The following TET3 variants were observed in gnomAD, a reference collection of about 807,000 sequenced individuals.
TET3 encodes the protein methylcytosine dioxygenase TET3.
Under a neutral mutation model 141.4 loss-of-function variants are expected in TET3, and 19 were observed. The observed-to-expected ratio is 0.13, with a 90% CI of 0.09 to 0.20. The LOEUF is 0.20. Ranked by LOEUF, TET3 falls within the 10% of genes least tolerant of loss-of-function variation. TET3 has a pLI of 1.00. For synonymous variants in TET3, 1,043 were observed against 980.9 expected, an observed-to-expected ratio of 1.06 and a Z score of -1.18; for missense variants, 1,874 against 2,356.9, an observed-to-expected ratio of 0.80 and a Z score of 4.24.
chr2:74,023,422 T>A (rs1686166564), intron 3 of TET3, among the ~76,000 whole-genome samples: 2 of 152,118 alleles, frequency 1.3e-5, no homozygotes, highest in South Asian at 4.1e-4. Context: ...TTTCTATTTT[T>A]CGTAATGATG....
At chr2:74,017,961 C>CTTTTT (rs35319685) in intron 3 of TET3, among the ~76,000 whole-genome samples, 17 of 97,194 alleles carry the variant, frequency 1.7e-4, no homozygotes, top group East Asian at 2.8e-4. Context: ...TCTTCTGTCT[C>CTTTTT]TTTTTTTTTT....
intron 2 of TET3, among the ~76,000 whole-genome samples, chr2:73,989,428 C>T (rs1306600122): frequency 6.6e-6 from 1 of 152,138 alleles, no homozygotes; most frequent in Non-Finnish European, 1.5e-5. Context: ...GACTTTGGGG[C>T]TTCCTTTGAA....
At chr2:74,042,652 TGGTA>T (rs1373524825) in intron 3 of TET3, among the ~76,000 whole-genome samples, 16 of 152,234 alleles carry the variant, frequency 1.1e-4, no homozygotes, top group Non-Finnish European at 1.5e-4. Flanking sequence ...GTTTGGATGT[TGGTA>T]GGTTAATGGC....
intron 4 of TET3, among the ~76,000 whole-genome samples, chr2:74,060,122 C>G (rs1178140516): frequency 6.6e-6 from 1 of 152,182 alleles, no homozygotes; most frequent in Admixed American, 6.5e-5. Context: ...AGTTTAAGCT[C>G]CCACCAGCAT....
chr2:74,055,750 G>A (rs1688182480), intron 4 of TET3, among the ~76,000 whole-genome samples: 1 of 152,108 alleles, frequency 6.6e-6, no homozygotes, highest in African/African-American at 2.4e-5. Context: ...CCTCATGAAT[G>A]GATTAATTCA....
At chr2:74,080,616 C>G in intron 6 of TET3, 25 bp downstream of exon 6, 1 of 1,596,904 alleles carries the variant, frequency 6.3e-7, no homozygotes, top group African/African-American at 1.3e-5. Flanking sequence ...CACTCAAGAG[C>G]CACAGCTGTG....
intron 3 of TET3, among the ~76,000 whole-genome samples, chr2:74,005,171 A>G (rs7581252): frequency 0.17 from 26,097 of 152,098 alleles, 2,940 homozygotes; most frequent in African/African-American, 0.31. Flanking sequence ...GGCCCCAGAT[A>G]GAGGCTGGTT....
intron 3 of TET3, among the ~76,000 whole-genome samples, chr2:74,012,625 T>C (rs1357008451): frequency 2.0e-5 from 3 of 152,238 alleles, no homozygotes; most frequent in Admixed American, 2.0e-4. Flanking sequence ...CTGATGCTTG[T>C]GTCTGTAGAC....
the TET3 span, among the ~76,000 whole-genome samples, chr2:74,132,210 T>C: frequency 6.6e-6 from 1 of 152,086 alleles, no homozygotes; most frequent in African/African-American, 2.4e-5. Flanking sequence ...GGCTGCAATT[T>C]TATATGCCCC....
At chr2:74,018,002 T>C (rs1043271229) in intron 3 of TET3, among the ~76,000 whole-genome samples, 1 of 149,578 alleles carries the variant, frequency 6.7e-6, no homozygotes, top group Non-Finnish European at 1.5e-5. Flanking sequence ...AGTTTTGCTC[T>C]TGTCGCCCAG....
chr2:74,119,974 T>C, the TET3 span, among the ~76,000 whole-genome samples: 3 of 152,234 alleles, frequency 2.0e-5, no homozygotes, highest in Non-Finnish European at 4.4e-5. Context: ...TGTGGCCTTT[T>C]GACATTCCTT....
chr2:74,015,356 A>T (rs1685674357), intron 3 of TET3, among the ~76,000 whole-genome samples: 1 of 152,236 alleles, frequency 6.6e-6, no homozygotes, highest in Non-Finnish European at 1.5e-5. Context: ...TCAATATAAA[A>T]GTACATAATT....
At chr2:74,135,391 C>T in the TET3 span, 3 of 847,342 alleles carry the variant, frequency 3.5e-6, no homozygotes, top group Non-Finnish European at 5.7e-6. Flanking sequence ...GAACCTGAAA[C>T]ATTACTAATG....
chr2:74,106,156 T>C lies in TET3; in HGVS notation c.*3980T>C, dbSNP rs564938479. 6.6e-6 allele frequency: 1 copy of C among 151,774 alleles called. No homozygotes were observed. Among genetic ancestry groups the C allele is most frequent in the South Asian group, 2.1e-4 (1 of 4,806 alleles). The allele number at this position is 151,774 out of a possible 1,614,324, so 9.4% of individuals were successfully genotyped here. On this transcript the variant is annotated 3_prime_UTR_variant, in exon 12 of 12. Transcript: ENST00000409262. ...ACCCGTTTACCGTGCTATAATCTGC[T>C]CTGAGCAGTGTTGTGTTGTGTTGTA...
At chr2:74,009,914 G>A (rs1372750575) in intron 3 of TET3, among the ~76,000 whole-genome samples, 1 of 152,240 alleles carries the variant, frequency 6.6e-6, no homozygotes, top group East Asian at 1.9e-4. Flanking sequence ...CCTCAGGTAT[G>A]AGGGCTGGAA....
At chr2:74,034,552 A>G (rs1262829479) in intron 3 of TET3, among the ~76,000 whole-genome samples, 1 of 149,998 alleles carries the variant, frequency 6.7e-6, no homozygotes, top group Non-Finnish European at 1.5e-5. Flanking sequence ...TCAGTAGGAC[A>G]TATGTAGTCC....
upstream of TET3, among the ~76,000 whole-genome samples, chr2:73,984,737 C>T (rs1683907775): frequency 6.7e-6 from 1 of 149,858 alleles, no homozygotes; most frequent in South Asian, 2.1e-4. This position sits in a 1 kb window ranked among gnomAD's most constrained non-coding sequence, Gnocchi z 5.6. Context: ...CGGAGCCTGC[C>T]CCAAGCCGCT....
chr2:73,999,112 A>G (rs1468175932), intron 2 of TET3, among the ~76,000 whole-genome samples: 6 of 152,234 alleles, frequency 3.9e-5, no homozygotes, highest in African/African-American at 1.4e-4. Flanking sequence ...GAGTGACCTC[A>G]TTCAGGACAC....
the TET3 span, among the ~76,000 whole-genome samples, chr2:74,127,097 G>C: frequency 6.6e-6 from 1 of 152,150 alleles, no homozygotes; most frequent in African/African-American, 2.4e-5. Flanking sequence ...CTTAGTTTTA[G>C]GTAGAAAAAT....
Sources: gnomAD v4.1 joint callset for allele counts (sites outside exome capture counted in the v4.1 genomes callset) on GRCh38, gnomAD v4.1.1 for gene constraint, Gnocchi (gnomAD v3.1) non-coding constraint, MANE v1.5 for transcripts, NCBI Gene and HGNC (gene_info 2026-07-23, HGNC 2026-07-21) for gene names.